The following APAF1 variants were observed in gnomAD, a reference collection of about 807,000 sequenced individuals.
APAF1 encodes apoptotic protease-activating factor 1.
A neutral mutation model predicts 152.4 loss-of-function variants in APAF1; 91 were observed. That is an observed-to-expected ratio of 0.60 (90% CI 0.50 to 0.71). The LOEUF (loss-of-function observed/expected upper bound fraction) is 0.71. Among genes scored for constraint, APAF1 ranks in the 30% least tolerant of loss-of-function variants. The probability of loss-of-function intolerance (pLI) is 0.00; values close to 1 mark genes in which losing one functional copy is unlikely to be tolerated. For synonymous variants in APAF1, 484 were observed against 494.1 expected (o/e 0.98, Z 0.27); for missense variants, 1,283 against 1,472.0 (o/e 0.87, Z 2.10).
rs191539162 is a variant in APAF1, at chr12:98,694,365, A to G, written c.2305-5043A>G. Among the ~76,000 whole-genome samples the G allele has an allele frequency of 6.0e-4, 91 of 152,300 alleles. 1 individual carries two copies. The highest frequency in any genetic ancestry group is 1.7e-3 in the African/African-American group (71 of 41,564). On this transcript the variant is annotated intron_variant, in intron 16 of 26. Coordinates refer to ENST00000551964, the MANE Select transcript of APAF1 (RefSeq NM_181861.2). ...AATGGTGGCTTCTTTCAATCTGGAAACTTATCCTTCAGTTCTGGCATTTCC... is the reference window on the plus strand; with the variant it reads ...AATGGTGGCTTCTTTCAATCTGGAAGCTTATCCTTCAGTTCTGGCATTTCC...
chr12:98,704,678 G>C (rs143592994), intron 18 of APAF1, among the ~76,000 whole-genome samples: 78 of 152,280 alleles, frequency 5.1e-4, no homozygotes, highest in Middle Eastern at 3.4e-3. Flanking sequence ...CAGAGGCAGG[G>C]AGTGTGAAAA....
At chr12:98,676,981 G>A (rs1293615500) in intron 12 of APAF1, among the ~76,000 whole-genome samples, 1 of 152,122 alleles carries the variant, frequency 6.6e-6, no homozygotes, top group Non-Finnish European at 1.5e-5. Context: ...TAATAATGGT[G>A]GGTGTTTCCT....
chr12:98,670,770 C>T, intron 10 of APAF1: 17 of 394,590 alleles, frequency 4.3e-5, no homozygotes, highest in Admixed American at 1.3e-4. Flanking sequence ...AATTTTTAAC[C>T]AACTGGAGTT....
rs909974847 is a variant in APAF1, at chr12:98,735,108, G to A, written c.*2542G>A. On this transcript the variant is annotated 3_prime_UTR_variant, in exon 27 of 27. Coordinates refer to ENST00000551964, the MANE Select transcript of APAF1 (RefSeq NM_181861.2). ...AAAGAAAAATGGGAAGAAAGACAAG[G>A]TAACATGAAGAAAGAAGAGATACCT... is the stretch of plus-strand genomic sequence containing the variant. The A allele has an allele frequency of 2.5e-6, 1 of 398,494 alleles. No homozygotes were observed. Among genetic ancestry groups the A allele is most frequent in the African/African-American group, 2.1e-5 (1 of 48,744 alleles). 24.7% of individuals were successfully genotyped at this position (398,494 alleles called of 1,614,324 possible).
intron 17 of APAF1, among the ~76,000 whole-genome samples, chr12:98,699,852 C>G (rs2097713497): frequency 1.3e-5 from 2 of 152,180 alleles, no homozygotes; most frequent in African/African-American, 4.8e-5. Flanking sequence ...CCAGGAAGTC[C>G]TCTTACACAA....
chr12:98,718,632 C>T (rs1033341226), intron 22 of APAF1, among the ~76,000 whole-genome samples: 6 of 152,084 alleles, frequency 3.9e-5, no homozygotes, highest in African/African-American at 4.8e-5. Flanking sequence ...CTTATTTTCA[C>T]GAGGCATTAA....
At position 98,723,623 on chromosome 12, in the gene APAF1, T is replaced by G. The variant is rs749807311; in HGVS notation, c.3205-16T>G. The G allele has an allele frequency of 6.4e-7, 1 of 1,557,394 alleles. No homozygotes were observed. Among genetic ancestry groups the G allele is most frequent in the South Asian group, 1.2e-5 (1 of 84,956 alleles). On this transcript the variant is annotated splice_polypyrimidine_tract_variant and intron_variant, in intron 23 of 26. Transcript: ENST00000551964. ...TAAAAGTGTCAACCTCCAAGTGTTT[T>G]TTTTTTTTTTTTAAGGTATGGAATA...
At chr12:98,647,698 T>C (rs1213557680) in intron 1 of APAF1, among the ~76,000 whole-genome samples, 2 of 148,216 alleles carry the variant, frequency 1.3e-5, no homozygotes, top group Non-Finnish European at 3.0e-5. Context: ...TGTGGGATCA[T>C]GTTTCTGTTT....
At chr12:98,670,554 G>A (rs11109568) in intron 10 of APAF1, among the ~76,000 whole-genome samples, 1 of 151,724 alleles carries the variant, frequency 6.6e-6, no homozygotes, top group Admixed American at 6.6e-5. Context: ...CTTTGGTCTT[G>A]AGTTTAATTT....
At chr12:98,649,227 C>A in intron 3 of APAF1, 4 of 984,172 alleles carry the variant, frequency 4.1e-6, no homozygotes, top group Non-Finnish European at 4.8e-6. Flanking sequence ...AATGAAAAGT[C>A]AGGAAATAAT....
intron 19 of APAF1, 72 bp from the exon 20 acceptor site, chr12:98,708,513 T>C: frequency 6.7e-7 from 1 of 1,491,532 alleles, no homozygotes; most frequent in Admixed American, 1.7e-5. Flanking sequence ...TGAAACATAG[T>C]TTGTCTCTCG....
chr12:98,719,126 TCCTTCCAGA>T (rs1313770011), intron 22 of APAF1, among the ~76,000 whole-genome samples: 1 of 152,194 alleles, frequency 6.6e-6, no homozygotes, highest in Non-Finnish European at 1.5e-5. Context: ...ACTGCTCCAG[TCCTTCCAGA>T]CTGTACCTCA....
intron 16 of APAF1, among the ~76,000 whole-genome samples, chr12:98,687,163 G>C (rs954932275): frequency 6.6e-6 from 1 of 152,104 alleles, no homozygotes; most frequent in African/African-American, 2.4e-5. Context: ...AGGAGTTCAA[G>C]ACCAGTCTGG....
intron 16 of APAF1, among the ~76,000 whole-genome samples, chr12:98,689,474 CTGTGTG>C (rs796807068): frequency 8.2e-5 from 11 of 133,468 alleles, no homozygotes; most frequent in Non-Finnish European, 1.8e-4. Context: ...GTGTGTGTGT[CTGTGTG>C]TGTGTGTGTG....
At chr12:98,705,261 G>A (rs765334055) in intron 18 of APAF1, among the ~76,000 whole-genome samples, 1 of 152,208 alleles carries the variant, frequency 6.6e-6, no homozygotes, top group Non-Finnish European at 1.5e-5. Context: ...TTCTTGAAAT[G>A]TAGGGACTCA....
At chr12:98,649,243 G>A in intron 3 of APAF1, 1 of 981,272 alleles carries the variant, frequency 1.0e-6, no homozygotes, top group Non-Finnish European at 1.2e-6. Flanking sequence ...ATAATTGGGT[G>A]AGTAAAGCAG....
intron 16 of APAF1, among the ~76,000 whole-genome samples, chr12:98,697,627 C>T (rs565088456): frequency 6.6e-6 from 1 of 152,184 alleles, no homozygotes; most frequent in Non-Finnish European, 1.5e-5. Context: ...GGGACAGACA[C>T]TACTGCACTC....
At chr12:98,682,808 A>G (rs4319556) in intron 14 of APAF1, among the ~76,000 whole-genome samples, 149,360 of 152,292 alleles carry the variant, frequency 0.98, 73,267 homozygotes, top group East Asian at 1. Context: ...CTGACCAGAA[A>G]TCTATTATGC....
chr12:98,695,362 C>CCTTTT (rs532047525), intron 16 of APAF1, among the ~76,000 whole-genome samples: 1 of 141,828 alleles, frequency 7.1e-6, no homozygotes. Flanking sequence ...CGCCCCCCCC[C>CCTTTT]TTTTTTTTTT....
Sources: gnomAD v4.1 joint callset for allele counts (sites outside exome capture counted in the v4.1 genomes callset) on GRCh38, gnomAD v4.1.1 for gene constraint, MANE v1.5 for transcripts, NCBI Gene and HGNC (gene_info 2026-07-23, HGNC 2026-07-21) for gene names.